TES: variants seen among roughly 807,000 people sequenced by gnomAD.
The protein encoded by TES is testin LIM domain protein.
Under a neutral mutation model 48.2 loss-of-function variants are expected in TES, and 41 were observed. The observed-to-expected ratio is 0.85, with a 90% CI of 0.66 to 1.10. The LOEUF is 1.10. TES is among the 50% of genes least tolerant of loss of function. The pLI is 0.00. For synonymous variants in TES, 162 were observed against 174.9 expected, an observed-to-expected ratio of 0.93 and a Z score of 0.58; for missense variants, 463 against 515.1, an observed-to-expected ratio of 0.90 and a Z score of 0.98.
At chr7:116,217,116 A>G (rs56293030) in intron 1 of TES, among the ~76,000 whole-genome samples, 50,765 of 151,922 alleles carry the variant, frequency 0.33, 8,929 homozygotes, top group East Asian at 0.57. Context: ...GCACAACTGG[A>G]ATTATACCCG....
At position 116,257,634 on chromosome 7, in the gene TES, A is replaced by G. The variant is rs1021764870; in HGVS notation, c.*152A>G. 7.1e-6 allele frequency: 5 copies of G among 708,704 alleles called. No individual in the cohort carries two copies. The highest frequency in any genetic ancestry group is 3.9e-5 in the South Asian group (1 of 25,860). 43.9% of individuals were successfully genotyped at this position (708,704 alleles called of 1,614,324 possible). A position where few individuals can be genotyped will look rare whatever the true frequency, so the allele number is the denominator to read the frequency against. On this transcript the variant is annotated 3_prime_UTR_variant, in exon 7 of 7. Coordinates refer to ENST00000358204, the MANE Select transcript of TES (RefSeq NM_015641.4). Reference sequence around the variant, plus strand: ...TAATTTTTTTGGCCATTTTTTCTTCATCAATTTTTTTTCGGTCTCAACTTT... The same window carrying G: ...TAATTTTTTTGGCCATTTTTTCTTCGTCAATTTTTTTTCGGTCTCAACTTT...
rs373742301 is a variant in TES, at chr7:116,249,056, G to T, written c.150G>T (p.Glu50Asp). Residue 50 changes from glutamate (E) to aspartate (D), a missense_variant, in exon 3 of 7, where the codon GAG becomes GAT. Physicochemically the swap from Glu to Asp is conservative, Grantham distance 45. Transcript: ENST00000358204. The part of the protein sequence containing the change: ...ICRNCKCGQE[E>D]HDVLLSNEED... ...GTAACTGCAAGTGTGGCCAAGAAGA[G>T]CATGATGTCCTCTTGAGCAATGAAG... 1.9e-6 allele frequency: 3 copies of T among 1,612,150 alleles called. No individual in the cohort carries two copies. Among genetic ancestry groups the T allele is most frequent in the Non-Finnish European group, 2.5e-6 (3 of 1,178,536 alleles).
At position 116,250,458 on chromosome 7, in the gene TES, A is replaced by G. The variant is rs372991337; in HGVS notation, c.664A>G (p.Met222Val). Residue 222 changes from methionine to valine, a missense_variant, in exon 4 of 7, where the codon ATG becomes GTG. Met to Val is a conservative substitution (Grantham distance 21, BLOSUM62 1). Transcript: ENST00000358204. ...AAGCACCCCAGCAGCAGTGGGGGCC[A>G]TGGAGGACAAATCTGCTGAGCACAA... ...DRSTPAAVGA[M>V]EDKSAEHKRT... 14 of 1,582,064 alleles carry G rather than the reference A, an allele frequency of 8.8e-6. No homozygotes were observed. In the South Asian group the frequency reaches 1.7e-4, roughly 19 times the overall value.
intron 1 of TES, among the ~76,000 whole-genome samples, chr7:116,224,718 A>C (rs1799601273): frequency 6.6e-6 from 1 of 152,170 alleles, no homozygotes; most frequent in Non-Finnish European, 1.5e-5. Flanking sequence ...GCTTCCTCAT[A>C]ATAAGTCCCA....
At chr7:116,242,648 T>C (rs895266654) in intron 2 of TES, among the ~76,000 whole-genome samples, 1 of 152,164 alleles carries the variant, frequency 6.6e-6, no homozygotes, top group Non-Finnish European at 1.5e-5. Context: ...ATTAATAATG[T>C]ATTATTTGGC....
At chr7:116,220,786 A>G (rs973989165) in intron 1 of TES, among the ~76,000 whole-genome samples, 2 of 152,162 alleles carry the variant, frequency 1.3e-5, no homozygotes, top group African/African-American at 4.8e-5. Flanking sequence ...TGGGAAAGCT[A>G]CTTAGCCCTG....
intron 6 of TES, among the ~76,000 whole-genome samples, chr7:116,256,205 T>G (rs930158848): frequency 1.3e-5 from 2 of 152,164 alleles, no homozygotes; most frequent in African/African-American, 4.8e-5. Flanking sequence ...TAACCAGGCC[T>G]CACTTCACTG....
intron 1 of TES, among the ~76,000 whole-genome samples, chr7:116,213,785 A>G (rs919307553): frequency 6.6e-6 from 1 of 151,788 alleles, no homozygotes; most frequent in African/African-American, 2.4e-5. Flanking sequence ...TCTGAGTTAC[A>G]CATCTAGACC....
In TES at chr7:116,257,372, A is replaced by C. The variant is rs139156328; in HGVS notation, c.1156A>C (p.Thr386Pro). 10 of 1,613,994 alleles carry C rather than the reference A, an allele frequency of 6.2e-6. No homozygotes were observed. In the African/African-American group the frequency reaches 1.2e-4, roughly 19 times the overall value. ...TYNNFSWHAS[T>P]ECFLCSCCSK... Reference sequence around the variant, plus strand: ...TAACAATTTCAGCTGGCATGCATCCACAGAGTGCTTTCTGTGCTCTTGCTG... The same window carrying C: ...TAACAATTTCAGCTGGCATGCATCCCCAGAGTGCTTTCTGTGCTCTTGCTG... The change falls in exon 7 of 7, where the codon ACA becomes CCA. Residue 386 changes from threonine to proline, a missense_variant. Thr to Pro is a conservative substitution (Grantham distance 38, BLOSUM62 -1). Transcript: ENST00000358204.
chr7:116,246,018 C>G (rs1799919040), intron 2 of TES, among the ~76,000 whole-genome samples: 1 of 152,036 alleles, frequency 6.6e-6, no homozygotes, highest in Non-Finnish European at 1.5e-5. Context: ...TACCACATCT[C>G]TCCCACAACA....
intron 6 of TES, chr7:116,252,693 A>G (rs1041742061): frequency 9.9e-6 from 6 of 604,696 alleles, no homozygotes; most frequent in African/African-American, 9.2e-5. Flanking sequence ...AATTTACAAT[A>G]TCAATTATAG....
At chr7:116,241,797 C>G (rs1003747038) in intron 2 of TES, among the ~76,000 whole-genome samples, 2 of 152,094 alleles carry the variant, frequency 1.3e-5, no homozygotes, top group African/African-American at 4.8e-5. Flanking sequence ...GATAGAAAAG[C>G]AGAGGCTTCC....
rs1444451521 is a variant in TES at position 116,250,432 on chromosome 7, G to C, written c.638G>C (p.Arg213Thr). Residue 213 changes from arginine to threonine, a missense_variant, in exon 4 of 7, where the codon AGA (arginine) becomes ACA (threonine). Arg to Thr is a moderately conservative substitution (Grantham distance 71). Transcript: ENST00000358204. ...PKQMNIPGGD[R>T]STPAAVGAME... Reference sequence around the variant, plus strand: ...CAAATGAACATTCCTGGAGGGGATAGAAGCACCCCAGCAGCAGTGGGGGCC... The same window carrying C: ...CAAATGAACATTCCTGGAGGGGATACAAGCACCCCAGCAGCAGTGGGGGCC... 1 of 1,606,500 alleles carries C rather than the reference G, an allele frequency of 6.2e-7. No homozygotes were observed. Among genetic ancestry groups the C allele is most frequent in the East Asian group, 2.2e-5 (1 of 44,634 alleles).
intron 2 of TES, among the ~76,000 whole-genome samples, chr7:116,247,502 T>C (rs1799942720): frequency 6.6e-6 from 1 of 152,178 alleles, no homozygotes; most frequent in African/African-American, 2.4e-5. Flanking sequence ...GTGTGCACTT[T>C]TTAATCAGTC....
At chr7:116,235,305 G>C (rs2030977) in intron 2 of TES, among the ~76,000 whole-genome samples, 50,793 of 152,006 alleles carry the variant, frequency 0.33, 8,944 homozygotes, top group East Asian at 0.57. Flanking sequence ...TACATCTCAT[G>C]TCTACATTTT....
chr7:116,214,678 T>C (rs957603456), intron 1 of TES, among the ~76,000 whole-genome samples: 1 of 152,204 alleles, frequency 6.6e-6, no homozygotes, highest in African/African-American at 2.4e-5. Flanking sequence ...TAGTAGGTTT[T>C]CTATTGATTC....
At chr7:116,225,221 C>T in intron 1 of TES, among the ~76,000 whole-genome samples, 1 of 125,668 alleles carries the variant, frequency 8.0e-6, no homozygotes, top group East Asian at 3.0e-4. Flanking sequence ...TTATTGTTTC[C>T]TAGAATGTAG....
chr7:116,249,472 G>GATATGTTTACCTTTTT (rs1799973253), intron 3 of TES, 200 bp downstream of exon 3: 1 of 595,526 alleles, frequency 1.7e-6, no homozygotes. Flanking sequence ...CAACTCCCTA[G>GATATGTTTACCTTTTT]ATATGTTTAC....
intron 2 of TES, among the ~76,000 whole-genome samples, chr7:116,238,582 C>CATTATTATTATT (rs1464181259): frequency 1.3e-4 from 14 of 105,190 alleles, no homozygotes; most frequent in African/African-American, 5.1e-4. Context: ...ACTCAACATC[C>CATTATTATTATT]ATCATTATTA....
Sources: allele counts gnomAD v4.1 joint callset (sites outside exome capture counted in the v4.1 genomes callset), GRCh38; gene constraint gnomAD v4.1.1; transcripts MANE v1.5; gene names NCBI Gene and HGNC (gene_info 2026-07-23, HGNC 2026-07-21).